Variants in MYO7B observed in about 807,000 individuals in gnomAD.
MYO7B encodes the protein myosin VIIB.
MYO7B carries 212 observed loss-of-function variants against 259.7 expected under a neutral mutation model. The observed-to-expected ratio is 0.82, with a 90% confidence interval of 0.73 to 0.91. MYO7B has a LOEUF of 0.91. MYO7B is among the 40% of genes least tolerant of loss of function. The probability of loss-of-function intolerance (pLI) is 0.00; values close to 1 mark genes in which losing one functional copy is unlikely to be tolerated. For missense variants in MYO7B, 2,732 were observed against 2,813.5 expected (o/e 0.97, Z 0.66); for synonymous variants, 1,197 against 1,166.4 (o/e 1.03, Z -0.54).
At position 127,624,102 on chromosome 2, in the gene MYO7B, C is replaced by A; in HGVS notation, c.3829C>A (p.Leu1277Met). The change falls in exon 30 of 48, where the codon CTG becomes ATG. Residue 1277 changes from leucine to methionine, a missense_variant. Leu to Met is a conservative substitution (Grantham distance 15). Transcript: ENST00000409816. ...QVAVYDKFWS[L>M]GSGRDHMMDA... ...CCGACTCTGGCCTCAGTTCTGGTCCCTGGGCAGCGGGCGCGACCACATGAT... is the reference window on the plus strand; with the variant it reads ...CCGACTCTGGCCTCAGTTCTGGTCCATGGGCAGCGGGCGCGACCACATGAT... The A allele has an allele frequency of 6.4e-7, 1 of 1,567,898 alleles. No individual in the cohort carries two copies. Among genetic ancestry groups the A allele is most frequent in the Non-Finnish European group, 8.6e-7 (1 of 1,157,340 alleles).
rs537640701 is a variant in MYO7B at position 127,636,081 on chromosome 2, G to A, written c.6007-127G>A. On this transcript the variant is annotated intron_variant, in intron 44 of 47. Transcript: ENST00000409816. The surrounding 1 kb of genome is among the most constrained non-coding windows in gnomAD (Gnocchi z 4.5). ...CTATGCCATCCACAGCACCGAGACTGTCCCATGCTGCATTCCTCCCCTCCC... is the reference window on the plus strand; with the variant it reads ...CTATGCCATCCACAGCACCGAGACTATCCCATGCTGCATTCCTCCCCTCCC... 3.8e-6 allele frequency: 4 copies of A among 1,062,904 alleles called. No individual in the cohort carries two copies. The East Asian group carries it at 7.6e-5, about 20-fold the overall frequency. 65.8% of individuals were successfully genotyped at this position (1,062,904 alleles called of 1,614,324 possible). A position where few individuals can be genotyped will look rare whatever the true frequency, so the allele number is the denominator to read the frequency against.
chr2:127,551,071 T>C (rs1226459447), intron 1 of MYO7B, among the ~76,000 whole-genome samples: 1 of 90,760 alleles, frequency 1.1e-5, no homozygotes, highest in South Asian at 3.5e-4. Context: ...TACTGCAGAC[T>C]GAGGATGGGG....
Position 127,605,862 on chromosome 2 carries a change from G to A in MYO7B, c.2358G>A (p.Gln786=). The A allele has an allele frequency of 6.2e-7, 1 of 1,613,802 alleles. No individual in the cohort carries two copies. The highest frequency in any genetic ancestry group is 8.5e-7 in the Non-Finnish European group (1 of 1,179,856). Residue 786 remains glutamine, a synonymous_variant, in exon 20 of 48, where the codon CAG becomes CAA. Coordinates refer to ENST00000409816, the MANE Select transcript of MYO7B (RefSeq NM_001393586.1). The part of the protein sequence containing the change: ...GYRYRKEFLR[Q]RRAAVTLQAW... ...CTTCTAGGAAGGAGTTCCTGAGGCA[G>A]AGGCGGGCAGCTGTGACCCTGCAGG... is the stretch of plus-strand genomic sequence containing the variant.
chr2:127,581,016 G>A (rs1477682067), intron 10 of MYO7B, among the ~76,000 whole-genome samples, 194 bp downstream of exon 10: 1 of 152,214 alleles, frequency 6.6e-6, no homozygotes, highest in Non-Finnish European at 1.5e-5. Context: ...GCCAAACAGA[G>A]CGGCGGAATG....
At chr2:127,542,821 G>A (rs1411108664) in intron 1 of MYO7B, among the ~76,000 whole-genome samples, 1 of 152,194 alleles carries the variant, frequency 6.6e-6, no homozygotes, top group Non-Finnish European at 1.5e-5. Flanking sequence ...ATAATGGGGA[G>A]AAGGTAGGCA....
rs551614017 is a variant in MYO7B, at chr2:127,578,394, C to T, written c.1003+108C>T. On this transcript the variant is annotated intron_variant, in intron 9 of 47. Coordinates refer to ENST00000409816, the MANE Select transcript of MYO7B (RefSeq NM_001393586.1). ...CACAGGAAGGATCCTGTGGTCCAAC[C>T]CAGGCCTGGAAAAATATATCTAAAA... The T allele has an allele frequency of 5.0e-5, 68 of 1,372,228 alleles. No homozygotes were observed. The South Asian group carries it at 7.2e-4, about 14-fold the overall frequency. The allele number at this position is 1,372,228 out of a possible 1,614,324, so 85.0% of individuals were successfully genotyped here.
At chr2:127,632,458 C>T in intron 39 of MYO7B, 57 bp downstream of exon 39, 1 of 1,486,100 alleles carries the variant, frequency 6.7e-7, no homozygotes, top group Non-Finnish European at 8.9e-7. Flanking sequence ...ACCTGGGATG[C>T]TGTGGGGCCT....
intron 19 of MYO7B, among the ~76,000 whole-genome samples, chr2:127,599,721 A>C (rs1255788344): frequency 2.0e-5 from 3 of 152,210 alleles, no homozygotes; most frequent in Admixed American, 1.3e-4. Context: ...AGTTTTTATC[A>C]TGAACAAGTG....
At chr2:127,620,002 C>G (rs768341973) in intron 26 of MYO7B, 4 of 182,516 alleles carry the variant, frequency 2.2e-5, no homozygotes, top group African/African-American at 7.0e-5. Context: ...CTGTAATCAC[C>G]GTGAGACTGG....
Position 127,607,892 on chromosome 2 carries a change from T to G in MYO7B, c.2643+468T>G, listed in dbSNP as rs1680220346. Among the ~76,000 whole-genome samples the G allele has an allele frequency of 6.6e-6, 1 of 152,156 alleles. No homozygotes were observed. The highest frequency in any genetic ancestry group is 2.1e-4 in the South Asian group (1 of 4,832). On this transcript the variant is annotated intron_variant, in intron 21 of 47. Transcript: ENST00000409816. The surrounding 1 kb of genome is among the most constrained non-coding windows in gnomAD (Gnocchi z 4.4). ...GGTCCCCTGGAAGGTGCAGCAAAGC[T>G]GAGCCAGACAAGCTGGGAAAGGCCC...
rs1368029004 is a variant in MYO7B at position 127,636,714 on chromosome 2, C to T, written c.6208-80C>T. 2.5e-6 allele frequency: 4 copies of T among 1,610,038 alleles called. No homozygotes were observed. The African/African-American group carries it at 4.0e-5, about 16-fold the overall frequency. Reference sequence around the variant, plus strand: ...GGCTGCAGTCATCTCTGCGGTGTGTCCTGCCTCTCTCCTGTCCCCTAACAC... The same window carrying T: ...GGCTGCAGTCATCTCTGCGGTGTGTTCTGCCTCTCTCCTGTCCCCTAACAC... On this transcript the variant is annotated intron_variant, in intron 46 of 47. Coordinates refer to ENST00000409816, the MANE Select transcript of MYO7B (RefSeq NM_001393586.1). The surrounding 1 kb of genome is among the most constrained non-coding windows in gnomAD (Gnocchi z 4.5).
chr2:127,603,994 A>G (rs934417504), intron 19 of MYO7B, among the ~76,000 whole-genome samples: 12 of 152,132 alleles, frequency 7.9e-5, no homozygotes, highest in East Asian at 3.9e-4. Context: ...TTAGCCGGGC[A>G]TGGTAGTGGA....
chr2:127,587,261 C>T (rs1322957912), intron 14 of MYO7B, among the ~76,000 whole-genome samples: 1 of 152,196 alleles, frequency 6.6e-6, no homozygotes, highest in Non-Finnish European at 1.5e-5. Context: ...GTCCCTACTG[C>T]AGGGCTAGGC....
In MYO7B at chr2:127,597,962, C is replaced by T. The variant is rs114674828; in HGVS notation, c.2339+1406C>T. On this transcript the variant is annotated intron_variant, in intron 19 of 47. Coordinates refer to ENST00000409816, the MANE Select transcript of MYO7B (RefSeq NM_001393586.1). This position sits in a 1 kb window ranked among gnomAD's most constrained non-coding sequence, Gnocchi z 4.8. The stretch of plus-strand genomic sequence containing the variant: ...CAGTATTTTGTTACTTTTTATTGCT[C>T]GGTGGTATTCTATGGGATGGATACA... Among the ~76,000 whole-genome samples, 1,871 of 152,126 alleles carry T rather than the reference C, an allele frequency of 0.012. 42 individuals are homozygous for T. Among genetic ancestry groups the T allele is most frequent in the African/African-American group, 0.043 (1,785 of 41,490 alleles).
At chr2:127,547,396 C>T (rs945366718) in intron 1 of MYO7B, among the ~76,000 whole-genome samples, 1 of 152,178 alleles carries the variant, frequency 6.6e-6, no homozygotes, top group Non-Finnish European at 1.5e-5. Context: ...TGTATGGTAA[C>T]ACACGTGCTT....
intron 2 of MYO7B, 92 bp from the exon 3 acceptor site, chr2:127,564,061 C>A: frequency 1.1e-6 from 1 of 895,164 alleles, no homozygotes; most frequent in Non-Finnish European, 1.7e-6. Context: ...GAGCTCTGGG[C>A]TGGAAGGCAT....
Position 127,635,753 on chromosome 2 carries a change from A to G in MYO7B, c.5852A>G (p.Lys1951Arg). The G allele has an allele frequency of 3.1e-6, 5 of 1,604,256 alleles. No individual in the cohort carries two copies. The highest frequency in any genetic ancestry group is 4.3e-6 in the Non-Finnish European group (5 of 1,175,630). The stretch of plus-strand genomic sequence containing the variant: ...CCCAAGTACCTGCGCGGATTCCACA[A>G]GTGTTCGCGGGAGGATGCCATCCAC... ...ELPKYLRGFHKCSREDAIHLA... is the reference protein window; with the variant it reads ...ELPKYLRGFHRCSREDAIHLA... The change falls in exon 44 of 48, where the codon AAG becomes AGG. Residue 1951 changes from lysine (K) to arginine (R), a missense_variant. Coordinates refer to ENST00000409816, the MANE Select transcript of MYO7B (RefSeq NM_001393586.1).
chr2:127,543,535 T>C (rs553973690), intron 1 of MYO7B, among the ~76,000 whole-genome samples: 2 of 152,262 alleles, frequency 1.3e-5, no homozygotes, highest in Admixed American at 1.3e-4. Flanking sequence ...CTGATCTCTC[T>C]TTCTTTTCCC....
intron 1 of MYO7B, among the ~76,000 whole-genome samples, chr2:127,536,653 C>A (rs1240260527): frequency 6.6e-6 from 1 of 152,186 alleles, no homozygotes; most frequent in Non-Finnish European, 1.5e-5. Context: ...GGCCCCCAAC[C>A]CAGATCCCCC....
Sources: allele counts gnomAD v4.1 joint callset (sites outside exome capture counted in the v4.1 genomes callset), GRCh38; gene constraint gnomAD v4.1.1; non-coding constraint Gnocchi (gnomAD v3.1); transcripts MANE v1.5; gene names NCBI Gene and HGNC (gene_info 2026-07-23, HGNC 2026-07-21).